The following UNC5C variants were observed in gnomAD, a reference collection of about 807,000 sequenced individuals.
The protein encoded by UNC5C is netrin receptor UNC5C.
A neutral mutation model predicts 99.8 loss-of-function variants in UNC5C; 47 were observed. The ratio of observed to expected loss-of-function variants is 0.47; its 90% CI spans 0.37 to 0.60. UNC5C has a LOEUF of 0.60. Among genes scored for constraint, UNC5C ranks in the 20% least tolerant of loss-of-function variants. UNC5C has a pLI of 0.00. For synonymous variants in UNC5C, 487 were observed against 452.2 expected (o/e 1.08, Z -0.98); for missense variants, 1,062 against 1,165.9 (o/e 0.91, Z 1.30).
chr4:95,482,922 A>G (rs1721206502), intron 1 of UNC5C, among the ~76,000 whole-genome samples: 3 of 139,144 alleles, frequency 2.2e-5, no homozygotes, highest in South Asian at 4.6e-4. Context: ...TGACGAGTTA[A>G]TGGGTGCAGC....
At chr4:95,332,162 T>C (rs1743138836) in intron 2 of UNC5C, among the ~76,000 whole-genome samples, 1 of 152,130 alleles carries the variant, frequency 6.6e-6, no homozygotes, top group Non-Finnish European at 1.5e-5. Flanking sequence ...AATTTATAGA[T>C]TCAGTGCCAT....
At chr4:95,329,154 G>A (rs535541782) in intron 2 of UNC5C, among the ~76,000 whole-genome samples, 1 of 152,200 alleles carries the variant, frequency 6.6e-6, no homozygotes, top group South Asian at 2.1e-4. Flanking sequence ...AGTCAGGCAT[G>A]GTGGTGTGCC....
intron 1 of UNC5C, among the ~76,000 whole-genome samples, chr4:95,374,040 C>G (rs950830614): frequency 7.2e-5 from 11 of 151,946 alleles, no homozygotes; most frequent in Admixed American, 3.3e-4. Context: ...GACATACCAA[C>G]AAAAAACTCG....
At chr4:95,520,864 G>T (rs1445173742) in intron 1 of UNC5C, among the ~76,000 whole-genome samples, 1 of 152,050 alleles carries the variant, frequency 6.6e-6, no homozygotes. Context: ...CCCCCAAAGT[G>T]CTGGGATTAC....
chr4:95,317,288 G>A (rs1028693088), intron 2 of UNC5C, among the ~76,000 whole-genome samples: 3 of 152,176 alleles, frequency 2.0e-5, no homozygotes, highest in African/African-American at 7.2e-5. Flanking sequence ...CATAATGGCT[G>A]TTTAGCACTT....
intron 3 of UNC5C, among the ~76,000 whole-genome samples, chr4:95,287,946 C>T (rs1741295801): frequency 6.6e-6 from 1 of 152,088 alleles, no homozygotes; most frequent in Admixed American, 6.6e-5. Context: ...GAGTTAAATT[C>T]AGTTCCCAAA....
intron 1 of UNC5C, among the ~76,000 whole-genome samples, chr4:95,517,032 C>T (rs1330966191): frequency 6.6e-6 from 1 of 152,100 alleles, no homozygotes. Flanking sequence ...TGATCAGTTT[C>T]CTTTCTGTAA....
intron 1 of UNC5C, among the ~76,000 whole-genome samples, chr4:95,487,652 G>T (rs1462564243): frequency 6.6e-6 from 1 of 151,670 alleles, no homozygotes; most frequent in Non-Finnish European, 1.5e-5. Flanking sequence ...CTACAAATGT[G>T]AAGTTATTAG....
At position 95,402,040 on chromosome 4, in the gene UNC5C, T is replaced by A. The variant is rs567550238; in HGVS notation, c.125-66409A>T. Among the ~76,000 whole-genome samples the A allele has an allele frequency of 2.0e-5, 3 of 152,338 alleles. No homozygotes were observed. The South Asian group carries it at 6.2e-4, about 32-fold the overall frequency. ...TCTCCTGTCTTCATGCAATTTCACA[T>A]ATCAATTATCTAGTTTTTGTCTAAA... On this transcript the variant is annotated intron_variant, in intron 1 of 15. Coordinates refer to ENST00000453304, the MANE Select transcript of UNC5C (RefSeq NM_003728.4).
chr4:95,485,829 C>A (rs931066142), intron 1 of UNC5C, among the ~76,000 whole-genome samples: 7 of 151,668 alleles, frequency 4.6e-5, no homozygotes, highest in Non-Finnish European at 1.0e-4. Context: ...CATTTATGCT[C>A]TACTCAGATC....
chr4:95,385,645 T>G (rs1745192094), intron 1 of UNC5C, among the ~76,000 whole-genome samples: 1 of 152,196 alleles, frequency 6.6e-6, no homozygotes, highest in Admixed American at 6.5e-5. Context: ...TTACTATGTT[T>G]ACTGATGGCT....
intron 1 of UNC5C, among the ~76,000 whole-genome samples, chr4:95,344,870 A>G (rs543287124): frequency 6.6e-6 from 1 of 152,178 alleles, no homozygotes; most frequent in East Asian, 1.9e-4. Context: ...AAAGAAATTT[A>G]AAAATGCCAA....
At chr4:95,190,772 C>A (rs1356284811) in intron 12 of UNC5C, among the ~76,000 whole-genome samples, 1 of 152,188 alleles carries the variant, frequency 6.6e-6, no homozygotes, top group African/African-American at 2.4e-5. Context: ...AGCCCAGCGT[C>A]CGCCAGGGAT....
At chr4:95,546,886 TTTAAC>T (rs1723084391) in intron 1 of UNC5C, among the ~76,000 whole-genome samples, 1 of 152,186 alleles carries the variant, frequency 6.6e-6, no homozygotes, top group African/African-American at 2.4e-5. Context: ...CTTTGGGGAC[TTTAAC>T]TTGTCTTTTT....
intron 1 of UNC5C, among the ~76,000 whole-genome samples, chr4:95,422,428 A>G (rs10050254): frequency 6.6e-6 from 1 of 152,074 alleles, no homozygotes; most frequent in Non-Finnish European, 1.5e-5. Context: ...ATTTTCTAAA[A>G]TGAGAATGCT....
chr4:95,278,503 C>G, intron 3 of UNC5C, 141 bp from the exon 4 acceptor site: 2 of 648,256 alleles, frequency 3.1e-6, no homozygotes, highest in Non-Finnish European at 5.3e-6. Context: ...GAGACAGGGT[C>G]TCACTCTGTG....
At chr4:95,468,707 C>T (rs1374008395) in intron 1 of UNC5C, among the ~76,000 whole-genome samples, 1 of 152,062 alleles carries the variant, frequency 6.6e-6, no homozygotes, top group Non-Finnish European at 1.5e-5. Flanking sequence ...CCATAGAGGA[C>T]TATGTTTAAT....
chr4:95,529,290 AT>A (rs1216744050), intron 1 of UNC5C, among the ~76,000 whole-genome samples: 1 of 148,160 alleles, frequency 6.7e-6, no homozygotes, highest in Non-Finnish European at 1.5e-5. Context: ...TTATATGTAT[AT>A]ATGTATATAT....
chr4:95,411,666 A>G (rs1190605622), intron 1 of UNC5C, among the ~76,000 whole-genome samples: 1 of 152,232 alleles, frequency 6.6e-6, no homozygotes, highest in Non-Finnish European at 1.5e-5. Context: ...AATTAGGCAG[A>G]TTAGAAATTC....
Sources: allele counts gnomAD v4.1 joint callset (sites outside exome capture counted in the v4.1 genomes callset), GRCh38; gene constraint gnomAD v4.1.1; transcripts MANE v1.5; gene names NCBI Gene and HGNC (gene_info 2026-07-23, HGNC 2026-07-21).